The following RCBTB1 variants were observed in gnomAD, a reference collection of about 807,000 sequenced individuals.
The protein encoded by RCBTB1 is RCC1 and BTB domain-containing protein 1.
RCBTB1 carries 46 observed loss-of-function variants against 62.4 expected under a neutral mutation model. That is an observed-to-expected ratio of 0.74 (90% CI 0.58 to 0.94). The LOEUF is 0.94. Ranked by LOEUF, RCBTB1 falls within the 40% of genes least tolerant of loss-of-function variation. The pLI, the probability that RCBTB1 is intolerant of heterozygous loss-of-function variation, is 0.00. For synonymous variants in RCBTB1, 222 were observed against 245.8 expected (o/e 0.90, Z 0.91); for missense variants, 565 against 654.9 (o/e 0.86, Z 1.50).
At chr13:49,573,934 C>T (rs899770276) in intron 2 of RCBTB1, among the ~76,000 whole-genome samples, 6 of 149,232 alleles carry the variant, frequency 4.0e-5, no homozygotes, top group African/African-American at 1.5e-4. Flanking sequence ...CAGGTGTACA[C>T]CACCATGCCT....
chr13:49,585,225 G>C (rs1964333080), intron 1 of RCBTB1, among the ~76,000 whole-genome samples: 1 of 152,214 alleles, frequency 6.6e-6, no homozygotes, highest in Non-Finnish European at 1.5e-5. Flanking sequence ...CCTCCTCGCA[G>C]GAGAGCACAT....
intron 5 of RCBTB1, among the ~76,000 whole-genome samples, chr13:49,557,074 T>G (rs995452297): frequency 1.3e-5 from 2 of 152,152 alleles, no homozygotes; most frequent in African/African-American, 2.4e-5. Flanking sequence ...CACATCCCAG[T>G]CATGAAATCT....
At chr13:49,573,781 TTC>T (rs1303972608) in intron 2 of RCBTB1, among the ~76,000 whole-genome samples, 2 of 129,282 alleles carry the variant, frequency 1.5e-5, no homozygotes, top group African/African-American at 6.3e-5. Context: ...AGTCCCAAAT[TTC>T]TCTCTTTTTT....
chr13:49,577,570 T>C (rs111231984), intron 2 of RCBTB1, among the ~76,000 whole-genome samples: 2 of 152,340 alleles, frequency 1.3e-5, no homozygotes, highest in African/African-American at 4.8e-5. Context: ...AATAGGGTAT[T>C]CTACCTTTAG....
chr13:49,538,587 C>T (rs1220164835), intron 12 of RCBTB1, among the ~76,000 whole-genome samples: 2 of 151,850 alleles, frequency 1.3e-5, no homozygotes, highest in Non-Finnish European at 2.9e-5. Context: ...TGTGGTGGCA[C>T]ACATCCGTAG....
At chr13:49,568,219 T>C (rs371981479) in intron 2 of RCBTB1, among the ~76,000 whole-genome samples, 10 of 152,322 alleles carry the variant, frequency 6.6e-5, no homozygotes, top group South Asian at 4.1e-4. Context: ...TTAGCACACA[T>C]AGACCTGCTA....
At position 49,567,335 on chromosome 13, in the gene RCBTB1, A is replaced by G. The variant is rs1021149795; in HGVS notation, c.-41-15T>C. The G allele has an allele frequency of 3.2e-6, 5 of 1,574,422 alleles. No homozygotes were observed. The Admixed American group carries it at 7.4e-5, about 23-fold the overall frequency. On this transcript the variant is annotated splice_polypyrimidine_tract_variant and intron_variant, in intron 2 of 12. Transcript: ENST00000378302. ...AGCCGACATCTCTGCTGGAACAGAA[A>G]GGATTCCAGAAAAAAATTAAATAGT...
At chr13:49,550,334 C>CA in intron 8 of RCBTB1, 3 of 463,678 alleles carry the variant, frequency 6.5e-6, no homozygotes, top group Non-Finnish European at 8.5e-6. Context: ...TCAGAACACT[C>CA]ATTGGGCTGA....
chr13:49,559,734 G>A (rs905682048), intron 5 of RCBTB1, among the ~76,000 whole-genome samples, 184 bp downstream of exon 5: 6 of 151,766 alleles, frequency 4.0e-5, no homozygotes, highest in African/African-American at 7.3e-5. Flanking sequence ...CAGGGACAGC[G>A]TTTCAGTTTT....
chr13:49,541,754 A>C lies in RCBTB1; in HGVS notation c.1246T>G (p.Phe416Val). The C allele has an allele frequency of 1.2e-6, 2 of 1,614,092 alleles. No homozygotes were observed. Among genetic ancestry groups the C allele is most frequent in the Non-Finnish European group, 1.7e-6 (2 of 1,179,986 alleles). ...AAGGCACGATACACTGGGTAAGAAA[A>C]CTGATCGATTTCTATCACTTCCTTC... The part of the protein sequence containing the change: ...DMKEVIEIDQ[F>V]SYPVYRAFLQ... Residue 416 changes from phenylalanine (F) to valine (V), a missense_variant, in exon 11 of 13, where the codon TTT becomes GTT. By Grantham distance (50) the Phe-to-Val change is conservative. Coordinates refer to ENST00000378302, the MANE Select transcript of RCBTB1 (RefSeq NM_018191.4).
At position 49,532,171 on chromosome 13, in the gene RCBTB1, AAAAT is replaced by A. The variant is rs1959610046; in HGVS notation, c.*1947_*1950del. On this transcript the variant is annotated 3_prime_UTR_variant, in exon 13 of 13. Transcript: ENST00000378302. ...TATGATTAACAAAAAAACAAGTAGA[AAAAT>A]AAGAGAGTGTATTTAAAAAAAATAA... is the stretch of plus-strand genomic sequence containing the variant. 6.8e-6 allele frequency: 1 copy of A among 146,710 alleles called. No homozygotes were observed. Among genetic ancestry groups the A allele is most frequent in the Non-Finnish European group, 1.5e-5 (1 of 66,280 alleles). The allele number at this position is 146,710 out of a possible 1,614,324, so 9.1% of individuals were successfully genotyped here. A position where few individuals can be genotyped will look rare whatever the true frequency, so the allele number is the denominator to read the frequency against.
At chr13:49,539,922 A>C (rs1960221871) in intron 12 of RCBTB1, among the ~76,000 whole-genome samples, 1 of 152,164 alleles carries the variant, frequency 6.6e-6, no homozygotes, top group African/African-American at 2.4e-5. Context: ...TTATACCTCA[A>C]AGGACACAGC....
At chr13:49,567,099 A>T in intron 3 of RCBTB1, 55 bp downstream of exon 3, 1 of 1,573,226 alleles carries the variant, frequency 6.4e-7, no homozygotes, top group African/African-American at 1.4e-5. Context: ...GGACACTTTG[A>T]AGACCAATTG....
At chr13:49,563,028 C>T (rs902876740) in intron 4 of RCBTB1, among the ~76,000 whole-genome samples, 3 of 150,570 alleles carry the variant, frequency 2.0e-5, no homozygotes, top group Non-Finnish European at 4.4e-5. Context: ...GATTATGTCA[C>T]AATACTTAAA....
chr13:49,576,178 A>C (rs1404646080), intron 2 of RCBTB1, among the ~76,000 whole-genome samples: 1 of 32,808 alleles, frequency 3.0e-5, no homozygotes, highest in Admixed American at 4.3e-4. Flanking sequence ...CAGGCGTCGC[A>C]AAAAAAAAAA....
intron 12 of RCBTB1, among the ~76,000 whole-genome samples, chr13:49,540,121 C>CA (rs1566213729): frequency 6.6e-6 from 1 of 152,200 alleles, no homozygotes; most frequent in East Asian, 1.9e-4. Flanking sequence ...CAACCATACC[C>CA]GCCTTCAGCT....
intron 2 of RCBTB1, among the ~76,000 whole-genome samples, chr13:49,575,116 G>T (rs187296290): frequency 2.0e-5 from 3 of 152,192 alleles, no homozygotes; most frequent in East Asian, 3.9e-4. Flanking sequence ...TCACTTTGGG[G>T]TGATGAAAAA....
chr13:49,535,206 C>A (rs1416684225), intron 12 of RCBTB1, among the ~76,000 whole-genome samples: 1 of 152,122 alleles, frequency 6.6e-6, no homozygotes, highest in Non-Finnish European at 1.5e-5. Flanking sequence ...ACAGAAGTCA[C>A]CAACTACCAA....
At chr13:49,583,555 T>C (rs1050145099) in intron 1 of RCBTB1, among the ~76,000 whole-genome samples, 2 of 150,330 alleles carry the variant, frequency 1.3e-5, no homozygotes, top group South Asian at 4.2e-4. Context: ...AACATGTACT[T>C]TTTTTTTTTG....
Sources: allele counts gnomAD v4.1 joint callset (sites outside exome capture counted in the v4.1 genomes callset), GRCh38; gene constraint gnomAD v4.1.1; transcripts MANE v1.5; gene names NCBI Gene and HGNC (gene_info 2026-07-23, HGNC 2026-07-21).